Variants in EDRF1 observed in about 807,000 individuals in gnomAD.
The protein encoded by EDRF1 is erythroid differentiation-related factor 1.
A neutral mutation model predicts 148.7 loss-of-function variants in EDRF1; 69 were observed. That is an observed-to-expected ratio of 0.46 (90% CI 0.38 to 0.57). The LOEUF is 0.57. EDRF1 is among the 20% of genes least tolerant of loss of function. The pLI, the probability that EDRF1 is intolerant of heterozygous loss-of-function variation, is 0.00. For missense variants in EDRF1, 1,118 were observed against 1,478.7 expected (o/e 0.76, Z 4.00); for synonymous variants, 515 against 532.8 (o/e 0.97, Z 0.46).
In EDRF1 at chr10:125,743,145, T is replaced by G. The variant is rs1849122186; in HGVS notation, c.2459T>G (p.Leu820Trp). 6.2e-7 allele frequency: 1 copy of G among 1,613,976 alleles called. No homozygotes were observed. The highest frequency in any genetic ancestry group is 8.5e-7 in the Non-Finnish European group (1 of 1,179,934). Residue 820 changes from leucine (L) to tryptophan (W), a missense_variant, in exon 18 of 25, where the codon TTG (leucine) becomes TGG (tryptophan). Transcript: ENST00000356792. ...TGTTATGAGGCTGCTAATGAAATCT[T>G]GCAGTTTAGTGACTTGAAAAGCCAA... ...CKCYEAANEI[L>W]QFSDLKSQNP...
At chr10:125,739,195 CCTT>C (rs1203738771) in intron 15 of EDRF1, among the ~76,000 whole-genome samples, 4 of 151,822 alleles carry the variant, frequency 2.6e-5, no homozygotes, top group Admixed American at 6.6e-5. Flanking sequence ...CTTTCTGGAC[CCTT>C]CTTCTTTTCC....
chr10:125,732,036 C>G (rs1848501767), intron 9 of EDRF1: 2 of 273,082 alleles, frequency 7.3e-6, no homozygotes, highest in Non-Finnish European at 1.6e-5. Context: ...GATTCTTAAC[C>G]TGGTTGTGCA....
intron 24 of EDRF1, among the ~76,000 whole-genome samples, chr10:125,758,534 G>A (rs1850028684): frequency 6.6e-6 from 1 of 152,056 alleles, no homozygotes; most frequent in South Asian, 2.1e-4. Flanking sequence ...TTTCTAGCCT[G>A]GAGTTGAGCT....
chr10:125,735,500 T>A (rs1344461697), intron 12 of EDRF1, 144 bp from the exon 13 acceptor site: 1 of 776,106 alleles, frequency 1.3e-6, no homozygotes, highest in Non-Finnish European at 2.1e-6. Flanking sequence ...AGCTTTGAAC[T>A]GGGAACATTT....
At chr10:125,750,245 A>G (rs1849572417) in intron 22 of EDRF1, among the ~76,000 whole-genome samples, 3 of 152,222 alleles carry the variant, frequency 2.0e-5, no homozygotes, top group Admixed American at 2.0e-4. Flanking sequence ...CCCCTTAAAC[A>G]TAGAACTGAC....
At position 125,748,099 on chromosome 10, in the gene EDRF1, T is replaced by C. The variant is rs1554875142; in HGVS notation, c.3123+87T>C. Reference sequence around the variant, plus strand: ...TGTTTTTTTAACATGGTCATATATGTCTTCCTTGACGTCCACTCAGGTGAA... The same window carrying C: ...TGTTTTTTTAACATGGTCATATATGCCTTCCTTGACGTCCACTCAGGTGAA... On this transcript the variant is annotated intron_variant, in intron 21 of 24. Coordinates refer to ENST00000356792, the MANE Select transcript of EDRF1 (RefSeq NM_001202438.2). The C allele has an allele frequency of 2.7e-5, 41 of 1,503,302 alleles. No individual in the cohort carries two copies. In the South Asian group the frequency reaches 4.3e-4, roughly 16 times the overall value. The allele number at this position is 1,503,302 out of a possible 1,614,324, so 93.1% of individuals were successfully genotyped here.
chr10:125,724,324 A>G (rs1848151519), intron 4 of EDRF1, among the ~76,000 whole-genome samples: 1 of 152,264 alleles, frequency 6.6e-6, no homozygotes, highest in South Asian at 2.1e-4. Context: ...TGTTCCTATG[A>G]ATAAATACAG....
chr10:125,747,477 T>G (rs1849419607), intron 19 of EDRF1, 59 bp from the exon 20 acceptor site: 3 of 1,559,586 alleles, frequency 1.9e-6, no homozygotes, highest in Non-Finnish European at 8.8e-7. Context: ...TTTATTTTAA[T>G]GCAGTATTGG....
At chr10:125,748,223 G>A (rs947872153) in intron 21 of EDRF1, 10 of 623,746 alleles carry the variant, frequency 1.6e-5, no homozygotes, top group African/African-American at 7.3e-5. Flanking sequence ...ATGGGAAAAC[G>A]AATCCGCTGT....
chr10:125,724,189 A>C (rs1236275769), intron 4 of EDRF1, among the ~76,000 whole-genome samples: 3 of 152,230 alleles, frequency 2.0e-5, no homozygotes, highest in Non-Finnish European at 4.4e-5. Context: ...GCCAATGAAG[A>C]AAGTTGTGAA....
At chr10:125,727,462 G>C (rs549525389) in intron 6 of EDRF1, among the ~76,000 whole-genome samples, 1 of 152,324 alleles carries the variant, frequency 6.6e-6, no homozygotes, top group East Asian at 1.9e-4. Flanking sequence ...TGGTCCTAGA[G>C]CCAGACATTT....
intron 23 of EDRF1, 148 bp from the exon 24 acceptor site, chr10:125,753,546 A>C: frequency 1.2e-6 from 1 of 845,460 alleles, no homozygotes; most frequent in Non-Finnish European, 1.9e-6. Flanking sequence ...TAGTCTATCA[A>C]AATGATCATA....
intron 2 of EDRF1, among the ~76,000 whole-genome samples, chr10:125,721,735 G>C (rs1200811582): frequency 6.6e-6 from 1 of 152,216 alleles, no homozygotes; most frequent in African/African-American, 2.4e-5. Flanking sequence ...CAAAGGATCA[G>C]CTTGGTGCAT....
chr10:125,728,892 A>G (rs1227965575), intron 6 of EDRF1, 111 bp from the exon 7 acceptor site: 3 of 842,060 alleles, frequency 3.6e-6, no homozygotes, highest in Admixed American at 2.9e-5. Flanking sequence ...ATAATTCACA[A>G]TGGTAGATTT....
Position 125,719,770 on chromosome 10 carries a change from C to A in EDRF1, c.-38C>A. 2 of 1,558,514 alleles carry A rather than the reference C, an allele frequency of 1.3e-6. No individual in the cohort carries two copies. Among genetic ancestry groups the A allele is most frequent in the Non-Finnish European group, 1.8e-6 (2 of 1,140,454 alleles). On this transcript the variant is annotated 5_prime_UTR_variant, in exon 1 of 25. Coordinates refer to ENST00000356792, the MANE Select transcript of EDRF1 (RefSeq NM_001202438.2). ...GGCCTGCGTTGCTGCTGCTGCTCCT[C>A]CGCTCCCCCGTCGTATCGCCTGCCC...
chr10:125,720,021 G>T, intron 1 of EDRF1, 106 bp downstream of exon 1: 1 of 1,013,250 alleles, frequency 9.9e-7, no homozygotes, highest in Admixed American at 2.4e-5. Flanking sequence ...GCTTCTCCAT[G>T]TTTCCCTGAC....
In EDRF1 at chr10:125,730,284, T is replaced by G; in HGVS notation, c.1017-4T>G. On this transcript the variant is annotated splice_polypyrimidine_tract_variant and splice_region_variant and intron_variant, in intron 8 of 24. Coordinates refer to ENST00000356792, the MANE Select transcript of EDRF1 (RefSeq NM_001202438.2). ...CAAATAACACTAGAAATGTATATTT[T>G]TAGGGATAACAACAAACCAATTAAT... 2.5e-6 allele frequency: 4 copies of G among 1,597,756 alleles called. No homozygotes were observed. Among genetic ancestry groups the G allele is most frequent in the Non-Finnish European group, 8.6e-7 (1 of 1,165,162 alleles).
intron 1 of EDRF1, 80 bp from the exon 2 acceptor site, chr10:125,721,124 G>C: frequency 6.5e-6 from 9 of 1,388,032 alleles, no homozygotes; most frequent in Non-Finnish European, 9.2e-6. Flanking sequence ...GGTGTGACAG[G>C]TTCTTGTTTT....
Position 125,719,830 on chromosome 10 carries a change from G to A in EDRF1, c.23G>A (p.Gly8Glu), listed in dbSNP as rs768983485. 2 of 1,612,036 alleles carry A rather than the reference G, an allele frequency of 1.2e-6. No homozygotes were observed. The highest frequency in any genetic ancestry group is 3.3e-5 in the Admixed American group (2 of 59,910). ...GTGATGGGGGATGCCAAGGAGGCCG[G>A]AGCCGAGGGTCCGCCGGCCGGGGCC... Reference protein sequence around the residue: MGDAKEAGAEGPPAGAAA... With the variant: MGDAKEAEAEGPPAGAAA... The change falls in exon 1 of 25, where the codon GGA becomes GAA. Residue 8 changes from glycine to glutamate, a missense_variant. By Grantham distance (98) the Gly-to-Glu change is moderately conservative. Transcript: ENST00000356792.
Sources: allele counts gnomAD v4.1 joint callset (sites outside exome capture counted in the v4.1 genomes callset), GRCh38; gene constraint gnomAD v4.1.1; transcripts MANE v1.5; gene names NCBI Gene and HGNC (gene_info 2026-07-23, HGNC 2026-07-21).